Variants in PTPRF observed in about 807,000 individuals in gnomAD.
PTPRF encodes receptor-type tyrosine-protein phosphatase F.
PTPRF carries 59 observed loss-of-function variants against 201.8 expected under a neutral mutation model. The observed-to-expected ratio is 0.29, with a 90% CI of 0.24 to 0.36. The LOEUF (loss-of-function observed/expected upper bound fraction) is 0.36, where lower values mean the gene tolerates loss of function less well. Ranked by LOEUF, PTPRF falls within the 10% of genes least tolerant of loss-of-function variation. The pLI is 1.00. For missense variants in PTPRF, 2,132 were observed against 2,690.5 expected, an observed-to-expected ratio of 0.79 and a Z score of 4.59; for synonymous variants, 1,088 against 1,089.7, an observed-to-expected ratio of 1.00 and a Z score of 0.03.
chr1:43,621,700 T>C (rs535674), intron 33 of PTPRF, among the ~76,000 whole-genome samples: 2,605 of 151,980 alleles, frequency 0.017, 93 homozygotes, highest in African/African-American at 0.06. Context: ...AGAAACATGA[T>C]TGGGATGGCA....
Position 43,584,118 on chromosome 1 carries a change from C to A in PTPRF, c.680-4613C>A, listed in dbSNP as rs190169047. Among the ~76,000 whole-genome samples the A allele has an allele frequency of 2.1e-4, 32 of 152,262 alleles. 1 individual carries two copies. Among genetic ancestry groups the A allele is most frequent in the African/African-American group, 7.7e-4 (32 of 41,564 alleles). Reference sequence around the variant, plus strand: ...CCGCCCCACCCTTGGAGCCAGACCCCCACCACTGATGCTGGGGTTGGCAGC... The same window carrying A: ...CCGCCCCACCCTTGGAGCCAGACCCACACCACTGATGCTGGGGTTGGCAGC... On this transcript the variant is annotated intron_variant, in intron 7 of 33. Coordinates refer to ENST00000359947, the MANE Select transcript of PTPRF (RefSeq NM_002840.5).
chr1:43,575,573 CT>C (rs1333002291), intron 6 of PTPRF, among the ~76,000 whole-genome samples: 2 of 152,096 alleles, frequency 1.3e-5, no homozygotes, highest in Non-Finnish European at 1.5e-5. Flanking sequence ...GTTACTACCT[CT>C]TTTCTTCACC....
At chr1:43,530,665 G>A (rs1027818675), upstream of PTPRF, among the ~76,000 whole-genome samples, 1 of 152,136 alleles carries the variant, frequency 6.6e-6, no homozygotes, top group Non-Finnish European at 1.5e-5. The surrounding 1 kb of genome is among the most constrained non-coding windows in gnomAD (Gnocchi z 4.1). Flanking sequence ...ATCAGAGTTT[G>A]GTCTGTCTAT....
chr1:43,583,524 G>A (rs557772237), intron 7 of PTPRF, among the ~76,000 whole-genome samples: 206 of 152,250 alleles, frequency 1.4e-3, no homozygotes, highest in Non-Finnish European at 2.4e-3. Flanking sequence ...CGCCCTCCTC[G>A]CCTAGAGACC....
Position 43,613,952 on chromosome 1 carries a change from A to G in PTPRF, c.4071+237A>G, listed in dbSNP as rs75012225. Among the ~76,000 whole-genome samples the G allele has an allele frequency of 3.9e-3, 599 of 152,292 alleles. 5 individuals are homozygous for G. Among genetic ancestry groups the G allele is most frequent in the African/African-American group, 0.014 (571 of 41,568 alleles). ...GGGTCACCCTTAGGAGATGGTTTCAAAAGGCTGTGAGTGACACCAGGGTCT... is the reference window on the plus strand; with the variant it reads ...GGGTCACCCTTAGGAGATGGTTTCAGAAGGCTGTGAGTGACACCAGGGTCT... On this transcript the variant is annotated intron_variant, in intron 23 of 33. Coordinates refer to ENST00000359947, the MANE Select transcript of PTPRF (RefSeq NM_002840.5).
At chr1:43,565,277 C>CCGACCCT (rs1362977941) in intron 5 of PTPRF, among the ~76,000 whole-genome samples, 1 of 152,178 alleles carries the variant, frequency 6.6e-6, no homozygotes, top group African/African-American at 2.4e-5. Context: ...CCATCGACCC[C>CCGACCCT]CGACCCTCCC....
In PTPRF at chr1:43,619,866, T is replaced by G; in HGVS notation, c.5111+8T>G. The stretch of plus-strand genomic sequence containing the variant: ...CTTCCTGGATGGTTATAGGTCAGCA[T>G]GCATGTCACTGCCCCACCATGCCCT... On this transcript the variant is annotated splice_region_variant and intron_variant, in intron 29 of 33. Transcript: ENST00000359947. The G allele has an allele frequency of 1.2e-6, 2 of 1,613,170 alleles. No individual in the cohort carries two copies.
intron 23 of PTPRF, among the ~76,000 whole-genome samples, chr1:43,614,919 T>C (rs1031902389): frequency 8.5e-5 from 13 of 152,076 alleles, no homozygotes; most frequent in African/African-American, 3.1e-4. Flanking sequence ...GAGAGAGACC[T>C]CCTCCTCTTC....
At chr1:43,602,029 T>A in intron 13 of PTPRF, 42 bp from the exon 14 acceptor site, 1 of 1,602,016 alleles carries the variant, frequency 6.2e-7, no homozygotes, top group South Asian at 1.1e-5. Context: ...GTCAGAGTCC[T>A]TCACCATCCT....
chr1:43,578,805 C>G lies in PTPRF; in HGVS notation c.569-5C>G. On this transcript the variant is annotated splice_polypyrimidine_tract_variant and splice_region_variant and intron_variant, in intron 6 of 33. Coordinates refer to ENST00000359947, the MANE Select transcript of PTPRF (RefSeq NM_002840.5). ...TGCCTGACCTCTCGCTTCGTGTACC[C>G]ACAGGTGCCTTGCAGATAGAGAGCA... 2.5e-6 allele frequency: 4 copies of G among 1,611,568 alleles called. No homozygotes were observed. The highest frequency in any genetic ancestry group is 3.4e-6 in the Non-Finnish European group (4 of 1,178,152).
In PTPRF at chr1:43,598,721, G is replaced by C. The variant is rs751214584; in HGVS notation, c.2121G>C (p.Val707=). The C allele has an allele frequency of 4.3e-6, 7 of 1,612,472 alleles. No homozygotes were observed. The highest frequency in any genetic ancestry group is 5.1e-6 in the Non-Finnish European group (6 of 1,178,810). Residue 707 remains valine (V), a splice_region_variant and synonymous_variant, in exon 13 of 34, where the codon GTG becomes GTC. Transcript: ENST00000359947. ...SPVLVRTDED[V]PSGPPRKVEV... is the part of the protein sequence containing the mutation. ...TTCCTTCTCTACCTGACCCCCCAGT[G>C]CCCAGCGGGCCTCCGCGGAAGGTGG...
At chr1:43,526,075 G>T (rs1273744928), upstream of PTPRF, among the ~76,000 whole-genome samples, 1 of 152,080 alleles carries the variant, frequency 6.6e-6, no homozygotes, top group Non-Finnish European at 1.5e-5. Flanking sequence ...CAGTGGACGG[G>T]GAATAGAGAG....
chr1:43,582,944 G>A (rs1648111171), intron 7 of PTPRF: 2 of 422,944 alleles, frequency 4.7e-6, no homozygotes, highest in Non-Finnish European at 6.3e-6. Flanking sequence ...GGGCACAGGA[G>A]TCTCGTCTCG....
Position 43,622,031 on chromosome 1 carries a change from C to A in PTPRF, c.*28C>A. 1 of 1,610,898 alleles carries A rather than the reference C, an allele frequency of 6.2e-7. No homozygotes were observed. The highest frequency in any genetic ancestry group is 8.5e-7 in the Non-Finnish European group (1 of 1,177,348). On this transcript the variant is annotated 3_prime_UTR_variant, in exon 34 of 34. Transcript: ENST00000359947. ...ACCGCTCCCCTCTCCTCCGCCACCC[C>A]CGCCGTGGGGCTCCGGAGGGGACCC...
At chr1:43,611,684 A>T (rs1656493889) in intron 22 of PTPRF, among the ~76,000 whole-genome samples, 1 of 152,190 alleles carries the variant, frequency 6.6e-6, no homozygotes, top group South Asian at 2.1e-4. Flanking sequence ...TGAGGCAGGG[A>T]GACCATTTAA....
At chr1:43,545,305 G>A (rs144716808) in intron 3 of PTPRF, 139 bp downstream of exon 3, 9 of 857,540 alleles carry the variant, frequency 1.0e-5, no homozygotes, top group Non-Finnish European at 1.4e-5. Context: ...GTCCTAGAGA[G>A]CCCCCACTGC....
At chr1:43,532,636 G>A (rs765234601) in intron 1 of PTPRF, 1 of 166,778 alleles carries the variant, frequency 6.0e-6, no homozygotes, top group Non-Finnish European at 1.3e-5. Context: ...GGATCTGAGG[G>A]ATCCAGAAGA....
At position 43,588,677 on chromosome 1, in the gene PTPRF, A is replaced by G. The variant is rs1037100796; in HGVS notation, c.680-54A>G. Reference sequence around the variant, plus strand: ...CTGAATGAGGGGCCCCTGCCCTTCCATGCAGTCGTGTGTCCTGCCCGGCCT... The same window carrying G: ...CTGAATGAGGGGCCCCTGCCCTTCCGTGCAGTCGTGTGTCCTGCCCGGCCT... On this transcript the variant is annotated intron_variant, in intron 7 of 33. Transcript: ENST00000359947. The surrounding 1 kb of genome is among the most constrained non-coding windows in gnomAD (Gnocchi z 5.3). The G allele has an allele frequency of 3.8e-6, 6 of 1,594,572 alleles. No individual in the cohort carries two copies. The highest frequency in any genetic ancestry group is 5.1e-6 in the Non-Finnish European group (6 of 1,171,526).
At chr1:43,577,389 G>C (rs530654957) in intron 6 of PTPRF, among the ~76,000 whole-genome samples, 1 of 152,144 alleles carries the variant, frequency 6.6e-6, no homozygotes, top group East Asian at 1.9e-4. Flanking sequence ...CCTGGCATCT[G>C]GTGGGGAGGG....
Sources: gnomAD v4.1 joint callset for allele counts (sites outside exome capture counted in the v4.1 genomes callset) on GRCh38, gnomAD v4.1.1 for gene constraint, Gnocchi (gnomAD v3.1) non-coding constraint, MANE v1.5 for transcripts, NCBI Gene and HGNC (gene_info 2026-07-23, HGNC 2026-07-21) for gene names.